COL23A1: variants seen among roughly 807,000 people sequenced by gnomAD.
COL23A1 encodes collagen alpha-1(XXIII) chain.
A neutral mutation model predicts 99.3 loss-of-function variants in COL23A1; 97 were observed. That is an observed-to-expected ratio of 0.98 (90% CI 0.83 to 1.16). The LOEUF (loss-of-function observed/expected upper bound fraction) is 1.16. Ranked by LOEUF, COL23A1 falls within the 50% of genes most tolerant of loss-of-function variation. The pLI, the probability that COL23A1 is intolerant of heterozygous loss-of-function variation, is 0.00. For synonymous variants in COL23A1, 320 were observed against 308.2 expected (o/e 1.04, Z -0.40); for missense variants, 762 against 757.4 (o/e 1.01, Z -0.07).
intron 2 of COL23A1, among the ~76,000 whole-genome samples, chr5:178,487,287 G>GTTTTTTTTATTTATTTATTT (rs778127626): frequency 1.5e-5 from 2 of 137,462 alleles, no homozygotes; most frequent in Non-Finnish European, 3.2e-5. Flanking sequence ...ACCAGCCTCA[G>GTTTTTTTTATTTATTTATTT]TTTTATTTAT....
Position 178,310,698 on chromosome 5 carries a change from C to T in COL23A1, c.362-3779G>A, listed in dbSNP as rs188710339. Reference sequence around the variant, plus strand: ...GGTCCCTTTGCTGGGGCTGGCTGTGCCCCAGGGCATCTGGGCCTGGTGTGG... The same window carrying T: ...GGTCCCTTTGCTGGGGCTGGCTGTGTCCCAGGGCATCTGGGCCTGGTGTGG... On this transcript the variant is annotated intron_variant, in intron 2 of 28. Transcript: ENST00000390654. The surrounding 1 kb of genome is among the most constrained non-coding windows in gnomAD (Gnocchi z 4.3). Among the ~76,000 whole-genome samples, 525 of 152,162 alleles carry T rather than the reference C, an allele frequency of 3.5e-3. 3 individuals carry two copies. The highest frequency in any genetic ancestry group is 5.7e-3 in the Non-Finnish European group (386 of 67,990).
intron 2 of COL23A1, among the ~76,000 whole-genome samples, chr5:178,485,962 G>A (rs1045748083): frequency 1.3e-5 from 2 of 152,086 alleles, no homozygotes; most frequent in South Asian, 2.1e-4. Context: ...AAAAAGAATC[G>A]CAGCTGCAAA....
intron 2 of COL23A1, among the ~76,000 whole-genome samples, chr5:178,457,831 G>A (rs1461051136): frequency 1.3e-5 from 2 of 152,168 alleles, no homozygotes; most frequent in Non-Finnish European, 2.9e-5. Flanking sequence ...AGTAAAACTA[G>A]GTAGCCTTGA....
intron 2 of COL23A1, among the ~76,000 whole-genome samples, chr5:178,494,365 C>A (rs533350830): frequency 6.6e-6 from 1 of 152,256 alleles, no homozygotes; most frequent in Admixed American, 6.5e-5. Context: ...ATGCCATGAA[C>A]GTGATGTGTT....
intron 2 of COL23A1, among the ~76,000 whole-genome samples, chr5:178,472,472 A>G (rs1474163905): frequency 6.6e-6 from 1 of 152,026 alleles, no homozygotes; most frequent in Non-Finnish European, 1.5e-5. Flanking sequence ...GGGCCCAGTA[A>G]TTTTTCTTAA....
chr5:178,493,579 GC>G, intron 2 of COL23A1, among the ~76,000 whole-genome samples: 1 of 152,344 alleles, frequency 6.6e-6, no homozygotes, highest in South Asian at 2.1e-4. Context: ...CTGAAGACCA[GC>G]CCTCAAGTTT....
Position 178,246,309 on chromosome 5 carries a change from T to A in COL23A1, c.1360-2A>T. ...AAGGCCCGGTGGGCCAACTGGCCCC[T>A]GGATAGAAAAGGAATGAGTCAAGAG... is the stretch of plus-strand genomic sequence containing the variant. On this transcript the variant is annotated splice_acceptor_variant, in intron 23 of 28. Transcript: ENST00000390654. LOFTEE classifies it high-confidence loss of function. The A allele has an allele frequency of 6.4e-7, 1 of 1,556,756 alleles. No homozygotes were observed.
intron 2 of COL23A1, among the ~76,000 whole-genome samples, chr5:178,433,386 C>T (rs1436572564): frequency 6.6e-6 from 1 of 152,208 alleles, no homozygotes; most frequent in Non-Finnish European, 1.5e-5. Context: ...GGTCCTGAGG[C>T]AGGAGCTTCT....
At chr5:178,456,085 G>A (rs141408100) in intron 2 of COL23A1, among the ~76,000 whole-genome samples, 3 of 152,326 alleles carry the variant, frequency 2.0e-5, no homozygotes, top group African/African-American at 7.2e-5. Context: ...GGGTACAATA[G>A]GAGAGAAACA....
At chr5:178,376,062 G>C (rs1763055147) in intron 2 of COL23A1, among the ~76,000 whole-genome samples, 1 of 152,086 alleles carries the variant, frequency 6.6e-6, no homozygotes, top group Non-Finnish European at 1.5e-5. Flanking sequence ...CTCCCAGGGG[G>C]ACCCCTGGCC....
intron 2 of COL23A1, among the ~76,000 whole-genome samples, chr5:178,553,980 C>T (rs1453045745): frequency 6.6e-6 from 1 of 152,128 alleles, no homozygotes; most frequent in Non-Finnish European, 1.5e-5. Context: ...CCATTTGATC[C>T]TCAAAACCAT....
Position 178,366,017 on chromosome 5 carries a change from C to T in COL23A1, c.362-59098G>A, listed in dbSNP as rs1232752355. Among the ~76,000 whole-genome samples, 1 of 152,188 alleles carries T rather than the reference C, an allele frequency of 6.6e-6. No individual in the cohort carries two copies. Among genetic ancestry groups the T allele is most frequent in the African/African-American group, 2.4e-5 (1 of 41,440 alleles). ...GGTCACTCCTCACGGCCTGTGAGTT[C>T]ACCTCTTCATCTGAGCTCGCTTCAG... On this transcript the variant is annotated intron_variant, in intron 2 of 28. Coordinates refer to ENST00000390654, the MANE Select transcript of COL23A1 (RefSeq NM_173465.4). This position sits in a 1 kb window ranked among gnomAD's most constrained non-coding sequence, Gnocchi z 4.4.
At chr5:178,438,786 G>C (rs962755951) in intron 2 of COL23A1, 52 of 152,282 alleles carry the variant, frequency 3.4e-4, no homozygotes, top group African/African-American at 1.2e-3. Context: ...GGAAATGCTA[G>C]CATTAGAAGC....
At position 178,387,109 on chromosome 5, in the gene COL23A1, T is replaced by C. The variant is rs1763716293; in HGVS notation, c.362-80190A>G. On this transcript the variant is annotated intron_variant, in intron 2 of 28. Coordinates refer to ENST00000390654, the MANE Select transcript of COL23A1 (RefSeq NM_173465.4). This position sits in a 1 kb window ranked among gnomAD's most constrained non-coding sequence, Gnocchi z 4.7. ...ACCTTATTTCTCTCCCACGGCAGCTTCTCATCACCCCGTCTGGAACCAACA... is the reference window on the plus strand; with the variant it reads ...ACCTTATTTCTCTCCCACGGCAGCTCCTCATCACCCCGTCTGGAACCAACA... Among the ~76,000 whole-genome samples the C allele has an allele frequency of 6.6e-6, 1 of 152,072 alleles. No homozygotes were observed.
rs1762438851 is a variant in COL23A1, at chr5:178,365,751, T to C, written c.362-58832A>G. On this transcript the variant is annotated intron_variant, in intron 2 of 28. Transcript: ENST00000390654. This position sits in a 1 kb window ranked among gnomAD's most constrained non-coding sequence, Gnocchi z 5.2. ...ATGTCTTGTTCTCCACGCCCAGTTC[T>C]GATGTCACCTTTCTCACACCCAGGA... Among the ~76,000 whole-genome samples, 1 of 152,086 alleles carries C rather than the reference T, an allele frequency of 6.6e-6. No individual in the cohort carries two copies. The highest frequency in any genetic ancestry group is 1.5e-5 in the Non-Finnish European group (1 of 68,000).
chr5:178,531,848 G>A (rs1431867985), intron 2 of COL23A1, among the ~76,000 whole-genome samples: 2 of 152,198 alleles, frequency 1.3e-5, no homozygotes, highest in Non-Finnish European at 2.9e-5. Flanking sequence ...CCGGCATCCT[G>A]CACGCTCCCT....
At chr5:178,246,728 C>T (rs138666584) in intron 22 of COL23A1, among the ~76,000 whole-genome samples, 1 of 147,130 alleles carries the variant, frequency 6.8e-6, no homozygotes, top group African/African-American at 2.6e-5. Flanking sequence ...AGACGGGGGG[C>T]GGGGGGGGGG....
chr5:178,346,052 A>G (rs977335990), intron 2 of COL23A1, among the ~76,000 whole-genome samples: 1 of 152,180 alleles, frequency 6.6e-6, no homozygotes, highest in Admixed American at 6.5e-5. Flanking sequence ...AACTTGTATT[A>G]GATATCTATA....
At position 178,261,760 on chromosome 5, in the gene COL23A1, G is replaced by T. The variant is rs772587634; in HGVS notation, c.676-12C>A. On this transcript the variant is annotated splice_polypyrimidine_tract_variant and intron_variant, in intron 10 of 28. Transcript: ENST00000390654. ...GGTCCCTTTGGGCCCTGGAACAAGA[G>T]AAGAGAAGGTGTTAAATGTCATACT... 1 of 1,603,920 alleles carries T rather than the reference G, an allele frequency of 6.2e-7. No individual in the cohort carries two copies. Among genetic ancestry groups the T allele is most frequent in the Admixed American group, 1.7e-5 (1 of 59,984 alleles).
Sources: allele counts gnomAD v4.1 joint callset (sites outside exome capture counted in the v4.1 genomes callset), GRCh38; gene constraint gnomAD v4.1.1; non-coding constraint Gnocchi (gnomAD v3.1); transcripts MANE v1.5; gene names NCBI Gene and HGNC (gene_info 2026-07-23, HGNC 2026-07-21).